Variants in RPRD1B observed in about 807,000 individuals in gnomAD.
RPRD1B encodes regulation of nuclear pre-mRNA domain-containing protein 1B.
A neutral mutation model predicts 41.5 loss-of-function variants in RPRD1B; 11 were observed. The observed-to-expected ratio is 0.27, with a 90% confidence interval of 0.17 to 0.44. RPRD1B has a LOEUF of 0.44. Ranked by LOEUF, RPRD1B falls within the 20% of genes least tolerant of loss-of-function variation. The pLI, the probability that RPRD1B is intolerant of heterozygous loss-of-function variation, is 1.00. For missense variants in RPRD1B, 248 were observed against 389.9 expected, an observed-to-expected ratio of 0.64 and a Z score of 3.06; for synonymous variants, 158 against 155.6, an observed-to-expected ratio of 1.02 and a Z score of -0.12.
In RPRD1B at chr20:38,091,541, CTA is replaced by C. The variant is rs2074611892; in HGVS notation, c.*1669_*1670del. ...TTCTGTCACTGTTAAATTAATGAGT[CTA>C]TAAGGTTTTTCTTCCAGAGGCCATA... On this transcript the variant is annotated 3_prime_UTR_variant, in exon 7 of 7. Coordinates refer to ENST00000373433, the MANE Select transcript of RPRD1B (RefSeq NM_021215.4). The C allele has an allele frequency of 3.0e-6, 3 of 985,326 alleles. No homozygotes were observed. Among genetic ancestry groups the C allele is most frequent in the South Asian group, 4.7e-5 (1 of 21,288 alleles). The allele number at this position is 985,326 out of a possible 1,614,324, so 61.0% of individuals were successfully genotyped here. A position where few individuals can be genotyped will look rare whatever the true frequency, so the allele number is the denominator to read the frequency against.
rs575629725 is a variant in RPRD1B at position 38,061,902 on chromosome 20, C to T, written c.655+2382C>T. 3.3e-5 allele frequency among the ~76,000 whole-genome samples: 5 copies of T among 152,260 alleles called. No individual in the cohort carries two copies. In the East Asian group the frequency reaches 7.7e-4, roughly 23 times the overall value. ...ACACCCATGTTTTAATCCACAGAACCTGTGTATATGTAATCTTATATGGCC... is the reference window on the plus strand; with the variant it reads ...ACACCCATGTTTTAATCCACAGAACTTGTGTATATGTAATCTTATATGGCC... On this transcript the variant is annotated intron_variant, in intron 5 of 6. Transcript: ENST00000373433.
intron 6 of RPRD1B, among the ~76,000 whole-genome samples, chr20:38,066,724 C>T (rs1173929013): frequency 6.6e-6 from 1 of 152,008 alleles, no homozygotes; most frequent in East Asian, 1.9e-4. Flanking sequence ...GGTGCGATCT[C>T]GGCTCACTGC....
At chr20:38,049,669 A>G (rs1004097274) in intron 3 of RPRD1B, 35 of 468,894 alleles carry the variant, frequency 7.5e-5, no homozygotes, top group Non-Finnish European at 1.5e-4. Context: ...CACCTGGCCT[A>G]TTTTTTTCTT....
In RPRD1B at chr20:38,089,880, G is replaced by C. The variant is rs765925459; in HGVS notation, c.*5G>C. On this transcript the variant is annotated 3_prime_UTR_variant, in exon 7 of 7. Coordinates refer to ENST00000373433, the MANE Select transcript of RPRD1B (RefSeq NM_021215.4). ...GACCTGTTTTCAACTGACTAGGATG[G>C]GTGTCATGTCCCAGATTTCTGTTTG... 71 of 1,608,816 alleles carry C rather than the reference G, an allele frequency of 4.4e-5. No individual in the cohort carries two copies. The highest frequency in any genetic ancestry group is 1.7e-4 in the Middle Eastern group (1 of 6,038).
chr20:38,049,044 G>A (rs764406949), intron 3 of RPRD1B, among the ~76,000 whole-genome samples: 52 of 152,134 alleles, frequency 3.4e-4, no homozygotes, highest in Middle Eastern at 3.4e-3. Context: ...CCGCCTCCTG[G>A]GTTCGAGCCA....
intron 2 of RPRD1B, among the ~76,000 whole-genome samples, chr20:38,041,317 G>A (rs953718560): frequency 1.3e-5 from 2 of 152,144 alleles, no homozygotes; most frequent in African/African-American, 2.4e-5. Flanking sequence ...AAACATGAAT[G>A]GGAGACTAGT....
At chr20:38,043,068 G>T (rs990792) in intron 2 of RPRD1B, among the ~76,000 whole-genome samples, 41,755 of 152,022 alleles carry the variant, frequency 0.27, 7,906 homozygotes, top group African/African-American at 0.55. Flanking sequence ...ATCCAGACAC[G>T]GGGGGAGCAG....
intron 3 of RPRD1B, among the ~76,000 whole-genome samples, chr20:38,054,659 G>A (rs2074221621): frequency 6.6e-6 from 1 of 152,166 alleles, no homozygotes; most frequent in African/African-American, 2.4e-5. Context: ...TCTAAGTGTC[G>A]AGGTAGTGTT....
chr20:38,058,902 C>G (rs1237135037), intron 4 of RPRD1B, among the ~76,000 whole-genome samples: 1 of 152,054 alleles, frequency 6.6e-6, no homozygotes, highest in Non-Finnish European at 1.5e-5. Context: ...TTTGTAGAGA[C>G]AGGGTGTCGC....
In RPRD1B at chr20:38,044,581, A is replaced by C. The variant is rs1044878334; in HGVS notation, c.282-3767A>C. On this transcript the variant is annotated intron_variant, in intron 2 of 6. Transcript: ENST00000373433. Reference sequence around the variant, plus strand: ...AGTAGAGACGGAGTTTCACCATGTTAGCCAGGATGGTCTTGATCTCCTGAC... The same window carrying C: ...AGTAGAGACGGAGTTTCACCATGTTCGCCAGGATGGTCTTGATCTCCTGAC... Among the ~76,000 whole-genome samples the C allele has an allele frequency of 3.3e-5, 5 of 151,990 alleles. No homozygotes were observed. The South Asian group carries it at 1.0e-3, about 31-fold the overall frequency.
At chr20:38,066,529 A>G (rs562049324) in intron 6 of RPRD1B, among the ~76,000 whole-genome samples, 1 of 152,338 alleles carries the variant, frequency 6.6e-6, no homozygotes, top group South Asian at 2.1e-4. Flanking sequence ...CTTTCGTTTG[A>G]ACTCATGTTT....
rs2074599772 is a variant in RPRD1B at position 38,090,036 on chromosome 20, A to G, written c.*161A>G. The G allele has an allele frequency of 7.0e-7, 1 of 1,429,392 alleles. No homozygotes were observed. The highest frequency in any genetic ancestry group is 2.5e-5 in the East Asian group (1 of 40,100). 88.5% of individuals were successfully genotyped at this position (1,429,392 alleles called of 1,614,324 possible). ...CTCTGATTCTCCTCTTCAGCCTCTC[A>G]TCTTGAGCACAGTTCAGAACAGTGG... On this transcript the variant is annotated 3_prime_UTR_variant, in exon 7 of 7. Transcript: ENST00000373433.
chr20:38,034,774 C>G (rs1288658261), intron 1 of RPRD1B, among the ~76,000 whole-genome samples: 1 of 152,174 alleles, frequency 6.6e-6, no homozygotes, highest in Non-Finnish European at 1.5e-5. Context: ...TCAGGCCCTG[C>G]TCAGGTTCTG....
chr20:38,035,093 G>A (rs1313773299), intron 1 of RPRD1B, among the ~76,000 whole-genome samples: 1 of 152,168 alleles, frequency 6.6e-6, no homozygotes, highest in Admixed American at 6.5e-5. Flanking sequence ...TCGTGGTGAG[G>A]AGTAAACGGG....
intron 2 of RPRD1B, among the ~76,000 whole-genome samples, chr20:38,043,906 A>C (rs187152813): frequency 1.1e-4 from 17 of 152,302 alleles, no homozygotes; most frequent in African/African-American, 4.1e-4. Context: ...CCAAGGAGTG[A>C]TGCCAAATAG....
intron 3 of RPRD1B, among the ~76,000 whole-genome samples, chr20:38,056,639 T>G (rs1418426864): frequency 6.6e-6 from 1 of 152,190 alleles, no homozygotes; most frequent in East Asian, 1.9e-4. Flanking sequence ...AGGACAGGTT[T>G]TGGAGTCATA....
Position 38,090,611 on chromosome 20 carries a change from C to T in RPRD1B, c.*736C>T, listed in dbSNP as rs539560280. On this transcript the variant is annotated 3_prime_UTR_variant, in exon 7 of 7. Coordinates refer to ENST00000373433, the MANE Select transcript of RPRD1B (RefSeq NM_021215.4). ...AGTTCCTAGATACAACCTTCCCATGCTGCACTTCTCCACTGTCGGAGCACG... is the reference window on the plus strand; with the variant it reads ...AGTTCCTAGATACAACCTTCCCATGTTGCACTTCTCCACTGTCGGAGCACG... The T allele has an allele frequency of 3.0e-6, 3 of 985,528 alleles. No homozygotes were observed. The highest frequency in any genetic ancestry group is 2.3e-4 in the East Asian group (2 of 8,822). 61.0% of individuals were successfully genotyped at this position (985,528 alleles called of 1,614,324 possible).
At chr20:38,066,666 T>G (rs2074360040) in intron 6 of RPRD1B, among the ~76,000 whole-genome samples, 1 of 152,222 alleles carries the variant, frequency 6.6e-6, no homozygotes, top group Admixed American at 6.5e-5. Context: ...TTATTTCTTT[T>G]TTTTTTTGAG....
intron 6 of RPRD1B, among the ~76,000 whole-genome samples, chr20:38,071,523 T>C (rs1009472844): frequency 6.6e-6 from 1 of 152,222 alleles, no homozygotes; most frequent in African/African-American, 2.4e-5. Context: ...TGTGTGGCCA[T>C]ATCTTTTCAT....
Sources: gnomAD v4.1 joint callset for allele counts (sites outside exome capture counted in the v4.1 genomes callset) on GRCh38, gnomAD v4.1.1 for gene constraint, MANE v1.5 for transcripts, NCBI Gene and HGNC (gene_info 2026-07-23, HGNC 2026-07-21) for gene names.